The following SLC22A5 variants were observed in gnomAD, a reference collection of about 807,000 sequenced individuals.
SLC22A5 encodes organic cation/carnitine transporter 2.
SLC22A5 carries 44 observed loss-of-function variants against 56.7 expected under a neutral mutation model. That is an observed-to-expected ratio of 0.78 (90% CI 0.61 to 1.00). The LOEUF is 1.00. SLC22A5 is among the 50% of genes least tolerant of loss of function. The pLI is 0.00. For synonymous variants in SLC22A5, 278 were observed against 292.1 expected (o/e 0.95, Z 0.49); for missense variants, 675 against 723.0 (o/e 0.93, Z 0.76).
chr5:132,388,787 T>C, intron 5 of SLC22A5, 134 bp from the exon 6 acceptor site: 5 of 715,876 alleles, frequency 7.0e-6, no homozygotes, highest in Middle Eastern at 2.7e-4. Context: ...GTATACTTAC[T>C]GTTCTTAGAA....
intron 1 of SLC22A5, chr5:132,377,859 G>A (rs925245047): frequency 1.6e-5 from 6 of 378,184 alleles, no homozygotes; most frequent in Admixed American, 1.2e-4. Flanking sequence ...AAAAGGACCC[G>A]GGGGTCATTG....
chr5:132,392,272 A>G (rs1205081670), intron 7 of SLC22A5, among the ~76,000 whole-genome samples, 161 bp from the exon 8 acceptor site: 2 of 152,232 alleles, frequency 1.3e-5, no homozygotes, highest in African/African-American at 4.8e-5. Flanking sequence ...TCAGCAATCA[A>G]TTTGGAGGGA....
chr5:132,394,015 C>T (rs1190193177), intron 9 of SLC22A5, among the ~76,000 whole-genome samples, 170 bp from the exon 10 acceptor site: 1 of 152,250 alleles, frequency 6.6e-6, no homozygotes, highest in African/African-American at 2.4e-5. Context: ...TCACTATACA[C>T]ATCTCCATGG....
intron 5 of SLC22A5, 159 bp from the exon 6 acceptor site, chr5:132,388,762 C>T (rs977509455): frequency 3.0e-6 from 2 of 673,064 alleles, no homozygotes; most frequent in African/African-American, 3.5e-5. Flanking sequence ...GTTTTCACAG[C>T]CTAAAACACA....
At position 132,373,061 on chromosome 5, in the gene SLC22A5, C is replaced by T. The variant is rs1488128669; in HGVS notation, c.393+2696C>T. ...ACTTTGTGGTGGATTTAGATCTTTG[C>T]GTCTTCCTCAATTTCTGACACAATT... On this transcript the variant is annotated intron_variant, in intron 1 of 9. Coordinates refer to ENST00000245407, the MANE Select transcript of SLC22A5 (RefSeq NM_003060.4). Among the ~76,000 whole-genome samples, 6 of 152,250 alleles carry T rather than the reference C, an allele frequency of 3.9e-5. No individual in the cohort carries two copies. The East Asian group carries it at 5.8e-4, about 15-fold the overall frequency.
rs763137182 is a variant in SLC22A5, at chr5:132,378,486, G to T, written c.497+5G>T. 4 of 1,607,018 alleles carry T rather than the reference G, an allele frequency of 2.5e-6. No individual in the cohort carries two copies. Among genetic ancestry groups the T allele is most frequent in the Non-Finnish European group, 3.4e-6 (4 of 1,173,450 alleles). On this transcript the variant is annotated splice_donor_5th_base_variant and intron_variant, in intron 2 of 9. Coordinates refer to ENST00000245407, the MANE Select transcript of SLC22A5 (RefSeq NM_003060.4). ...TTCAGGGCAGCTGTCAGACAGGTAA[G>T]GTGTCTGTCTTCTGGAGCACCAGGG...
Position 132,393,673 on chromosome 5 carries a change from T to C in SLC22A5, c.1451-3T>C, listed in dbSNP as rs760324689. 5 of 1,614,028 alleles carry C rather than the reference T, an allele frequency of 3.1e-6. No individual in the cohort carries two copies. In the East Asian group the frequency reaches 8.9e-5, roughly 29 times the overall value. On this transcript the variant is annotated splice_region_variant and splice_polypyrimidine_tract_variant and intron_variant, in intron 8 of 9. Transcript: ENST00000245407. ...GCCTGAGGCTCCGTCTGCTTTGCCA[T>C]AGGTGCCTACGACCGCTTCCTGCCC...
intron 5 of SLC22A5, among the ~76,000 whole-genome samples, chr5:132,388,343 G>A (rs1752598848): frequency 6.6e-6 from 1 of 152,228 alleles, no homozygotes; most frequent in South Asian, 2.1e-4. Context: ...AGCAACATCA[G>A]TGTGTTTAGA....
Position 132,369,797 on chromosome 5 carries a change from G to A in SLC22A5, c.-176G>A. 3 of 792,296 alleles carry A rather than the reference G, an allele frequency of 3.8e-6. No individual in the cohort carries two copies. The highest frequency in any genetic ancestry group is 5.7e-6 in the Non-Finnish European group (3 of 527,424). The allele number at this position is 792,296 out of a possible 1,614,324, so 49.1% of individuals were successfully genotyped here. A position where few individuals can be genotyped will look rare whatever the true frequency, so the allele number is the denominator to read the frequency against. On this transcript the variant is annotated 5_prime_UTR_variant, in exon 1 of 10. Coordinates refer to ENST00000245407, the MANE Select transcript of SLC22A5 (RefSeq NM_003060.4). ...TCCCTGGTCGTGCGCCCTATGTAAGGCCAGCCGCGGCAGGACCAAGGCGGC... is the reference window on the plus strand; with the variant it reads ...TCCCTGGTCGTGCGCCCTATGTAAGACCAGCCGCGGCAGGACCAAGGCGGC...
In SLC22A5 at chr5:132,378,465, G is replaced by A; in HGVS notation, c.481G>A (p.Gly161Arg). 1 of 1,614,048 alleles carries A rather than the reference G, an allele frequency of 6.2e-7. No homozygotes were observed. Reference protein sequence around the residue: ...VGVLLGSFISGQLSDRFGRKN... With the variant: ...VGVLLGSFISRQLSDRFGRKN... ...TGTGCTGTTGGGCTCCTTCATTTCA[G>A]GGCAGCTGTCAGACAGGTAAGGTGT... The change falls in exon 2 of 10, where the codon GGG becomes AGG. Residue 161 changes from glycine to arginine, a missense_variant. Transcript: ENST00000245407.
rs1432425681 is a variant in SLC22A5 at position 132,392,282 on chromosome 5, A to C, written c.1268-151A>C. On this transcript the variant is annotated intron_variant, in intron 7 of 9. Transcript: ENST00000245407. ...TCCTTTCAGCAATCAATTTGGAGGG[A>C]AATCTTGGCTATAGCCCCTTCCCCC... 4.1e-6 allele frequency: 3 copies of C among 737,290 alleles called. No individual in the cohort carries two copies. The Admixed American group carries it at 5.9e-5, about 15-fold the overall frequency. 45.7% of individuals were successfully genotyped at this position (737,290 alleles called of 1,614,324 possible).
chr5:132,392,248 G>T (rs1252682892), intron 7 of SLC22A5, among the ~76,000 whole-genome samples, 185 bp from the exon 8 acceptor site: 1 of 152,176 alleles, frequency 6.6e-6, no homozygotes, highest in Non-Finnish European at 1.5e-5. Flanking sequence ...ATAGCTGCAG[G>T]TCCCAGCCTC....
At position 132,370,343 on chromosome 5, in the gene SLC22A5, A is replaced by G. The variant is rs762126547; in HGVS notation, c.371A>G (p.Tyr124Cys). The part of the protein sequence containing the change: ...LDGWEFSQDV[Y>C]LSTIVTEWNL... Reference sequence around the variant, plus strand: ...GGCTGGGAGTTCAGTCAGGACGTCTACCTGTCCACCATTGTGACCGAGGTG... The same window carrying G: ...GGCTGGGAGTTCAGTCAGGACGTCTGCCTGTCCACCATTGTGACCGAGGTG... The change falls in exon 1 of 10, where the codon TAC (tyrosine) becomes TGC (cysteine). Residue 124 changes from tyrosine (Y) to cysteine (C), a missense_variant. Physicochemically the swap from Tyr to Cys is radical, Grantham distance 194 (BLOSUM62 -2). Transcript: ENST00000245407. 7.4e-6 allele frequency: 12 copies of G among 1,612,244 alleles called. No individual in the cohort carries two copies. Among genetic ancestry groups the G allele is most frequent in the South Asian group, 3.3e-5 (3 of 90,864 alleles).
In SLC22A5 at chr5:132,384,257, T is replaced by C. The variant is rs1390945718; in HGVS notation, c.608T>C (p.Val203Ala). 5.6e-6 allele frequency: 9 copies of C among 1,614,138 alleles called. No individual in the cohort carries two copies. Among genetic ancestry groups the C allele is most frequent in the Admixed American group, 3.3e-5 (2 of 60,008 alleles). ...ATGTTTGTCGTGCTGTTTGTCCTTGTAGGCATGGGCCAGATCTCCAACTAT... is the reference window on the plus strand; with the variant it reads ...ATGTTTGTCGTGCTGTTTGTCCTTGCAGGCATGGGCCAGATCTCCAACTAT... Reference protein sequence around the residue: ...FEMFVVLFVLVGMGQISNYVA... With the variant: ...FEMFVVLFVLAGMGQISNYVA... Residue 203 changes from valine (V) to alanine (A), a missense_variant, in exon 3 of 10, where the codon GTA (valine) becomes GCA (alanine). Val to Ala is a moderately conservative substitution (Grantham distance 64). Transcript: ENST00000245407.
chr5:132,370,651 G>A (rs1751877011), intron 1 of SLC22A5, among the ~76,000 whole-genome samples: 1 of 152,194 alleles, frequency 6.6e-6, no homozygotes. Flanking sequence ...GTCCCTGGGC[G>A]ATGCTCTATG....
intron 2 of SLC22A5, chr5:132,382,044 C>G (rs1441940551): frequency 6.6e-6 from 1 of 152,140 alleles, no homozygotes; most frequent in African/African-American, 2.4e-5. Flanking sequence ...AACCTCGACC[C>G]TATTAACATT....
chr5:132,394,241 G>T lies in SLC22A5; in HGVS notation c.1643G>T (p.Arg548Met). ...HTRMLKDGQE[R>M]PTILKSTAF ...AGGATGTTAAAAGATGGTCAAGAAAGGCCCACAATCCTTAAAAGCACAGCC... is the reference window on the plus strand; with the variant it reads ...AGGATGTTAAAAGATGGTCAAGAAATGCCCACAATCCTTAAAAGCACAGCC... Residue 548 changes from arginine to methionine, a missense_variant, in exon 10 of 10, where the codon AGG becomes ATG. Physicochemically the swap from Arg to Met is moderately conservative, Grantham distance 91. Transcript: ENST00000245407. The T allele has an allele frequency of 6.2e-7, 1 of 1,613,358 alleles. No homozygotes were observed. Among genetic ancestry groups the T allele is most frequent in the African/African-American group, 1.3e-5 (1 of 75,028 alleles).
intron 2 of SLC22A5, chr5:132,381,472 T>G (rs1287034199): frequency 6.6e-6 from 1 of 152,240 alleles, no homozygotes; most frequent in East Asian, 1.9e-4. Context: ...ATGGACAGCT[T>G]CTGAGTGCAT....
At position 132,369,919 on chromosome 5, in the gene SLC22A5, A is replaced by G; in HGVS notation, c.-54A>G. ...GCGGGTGCCCCGCGCGCACGCGCAAAGCCCGCCGCGTTCCCCGACCCCAGG... is the reference window on the plus strand; with the variant it reads ...GCGGGTGCCCCGCGCGCACGCGCAAGGCCCGCCGCGTTCCCCGACCCCAGG... On this transcript the variant is annotated 5_prime_UTR_variant, in exon 1 of 10. Coordinates refer to ENST00000245407, the MANE Select transcript of SLC22A5 (RefSeq NM_003060.4). The G allele has an allele frequency of 6.2e-7, 1 of 1,601,500 alleles. No individual in the cohort carries two copies. Among genetic ancestry groups the G allele is most frequent in the Non-Finnish European group, 8.5e-7 (1 of 1,175,332 alleles).
Sources: allele counts gnomAD v4.1 joint callset (sites outside exome capture counted in the v4.1 genomes callset), GRCh38; gene constraint gnomAD v4.1.1; transcripts MANE v1.5; gene names NCBI Gene and HGNC (gene_info 2026-07-23, HGNC 2026-07-21).